The following CRYBA4 variants were observed in gnomAD, a reference collection of about 807,000 sequenced individuals.
CRYBA4 encodes crystallin beta A4.
In CRYBA4, 30 loss-of-function variants were observed where a neutral mutation model predicts 31.7. That is an observed-to-expected ratio of 0.95 (90% confidence interval 0.71 to 1.28). The LOEUF (loss-of-function observed/expected upper bound fraction) is 1.28, where lower values mean the gene tolerates loss of function less well. Among genes scored for constraint, CRYBA4 ranks in the 50% most tolerant of loss-of-function variants. The pLI, the probability that CRYBA4 is intolerant of heterozygous loss-of-function variation, is 0.00. For missense variants in CRYBA4, 225 were observed against 260.7 expected (o/e 0.86, Z 0.94); for synonymous variants, 102 against 102.3 (o/e 1.00, Z 0.02).
the CRYBA4 span, among the ~76,000 whole-genome samples, chr22:26,601,610 C>T: frequency 8.1e-6 from 1 of 122,802 alleles, no homozygotes; most frequent in Admixed American, 8.2e-5. Flanking sequence ...CTCCTTCAAC[C>T]CCAACTAGGC....
chr22:26,592,398 G>A, the CRYBA4 span, among the ~76,000 whole-genome samples: 3 of 152,368 alleles, frequency 2.0e-5, no homozygotes, highest in Admixed American at 2.0e-4. Context: ...GTGAGCACCT[G>A]TAACTGATGA....
chr22:26,616,955 G>A, the CRYBA4 span, among the ~76,000 whole-genome samples: 190 of 152,304 alleles, frequency 1.2e-3, 6 homozygotes, highest in East Asian at 0.033. Context: ...TTTATTCACC[G>A]TCCATCCCTA....
the CRYBA4 span, chr22:26,607,924 T>C: frequency 6.2e-7 from 1 of 1,614,220 alleles, no homozygotes; most frequent in East Asian, 2.2e-5. Context: ...AGCCGATCAC[T>C]GCGGTAGCTG....
the CRYBA4 span, among the ~76,000 whole-genome samples, chr22:26,597,756 G>A: frequency 6.6e-6 from 1 of 152,290 alleles, no homozygotes; most frequent in Non-Finnish European, 1.5e-5. Context: ...CCAGCTCCAG[G>A]ATTGAGTAAC....
At chr22:26,625,769 G>A (rs908981345) in intron 4 of CRYBA4, 147 bp downstream of exon 4, 8 of 764,096 alleles carry the variant, frequency 1.0e-5, no homozygotes, top group African/African-American at 3.5e-5. Flanking sequence ...TCCAAGCCTC[G>A]GTTTCTTCAT....
chr22:26,630,360 C>T lies in CRYBA4; in HGVS notation c.464C>T (p.Pro155Leu), dbSNP rs780358100. ...HSGAWVCSQF[P>L]GYRGFQYVLE... ...TCCAGCTGGGTTTGCTCCCAGTTTC[C>T]GGGCTACCGAGGATTTCAGTATGTG... Residue 155 changes from proline (P) to leucine (L), a missense_variant, in exon 6 of 6, where the codon CCG (proline) becomes CTG (leucine). Coordinates refer to ENST00000354760, the MANE Select transcript of CRYBA4 (RefSeq NM_001886.3). The T allele has an allele frequency of 6.2e-6, 10 of 1,614,100 alleles. No individual in the cohort carries two copies. The highest frequency in any genetic ancestry group is 2.7e-5 in the African/African-American group (2 of 74,956).
chr22:26,626,973 A>G (rs905583512), intron 4 of CRYBA4, among the ~76,000 whole-genome samples: 1 of 152,190 alleles, frequency 6.6e-6, no homozygotes, highest in Non-Finnish European at 1.5e-5. Flanking sequence ...AGGTGATTAA[A>G]TCTCACTTCC....
At chr22:26,620,594 T>C (rs889600474), upstream of CRYBA4, among the ~76,000 whole-genome samples, 1 of 141,988 alleles carries the variant, frequency 7.0e-6, no homozygotes, top group Admixed American at 7.6e-5. Flanking sequence ...AGACGGGGTC[T>C]TGCTCTGTCA....
the CRYBA4 span, chr22:26,607,819 C>A: frequency 6.2e-7 from 1 of 1,608,452 alleles, no homozygotes. Context: ...TTGCCCTTGT[C>A]AGATCTCAGA....
chr22:26,593,549 A>G, the CRYBA4 span, among the ~76,000 whole-genome samples: 1 of 151,960 alleles, frequency 6.6e-6, no homozygotes, highest in South Asian at 2.1e-4. Flanking sequence ...TCTTTGAGAC[A>G]GAGTCTCACT....
the CRYBA4 span, among the ~76,000 whole-genome samples, chr22:26,614,379 T>C: frequency 6.6e-6 from 1 of 152,220 alleles, no homozygotes. Flanking sequence ...TTTTGTACTC[T>C]GTCCCTTTAT....
the CRYBA4 span, among the ~76,000 whole-genome samples, chr22:26,607,084 A>T: frequency 1.5e-5 from 2 of 136,562 alleles, no homozygotes; most frequent in African/African-American, 5.6e-5. Context: ...GTGCAATGGC[A>T]TGATCTCGGC....
chr22:26,607,560 G>GAAA, the CRYBA4 span, among the ~76,000 whole-genome samples: 243 of 116,266 alleles, frequency 2.1e-3, 1 homozygote, highest in Middle Eastern at 9.3e-3. Flanking sequence ...CCATCTTTGG[G>GAAA]AAAAAAAAAA....
the CRYBA4 span, among the ~76,000 whole-genome samples, chr22:26,591,497 C>G: frequency 6.7e-6 from 1 of 148,330 alleles, no homozygotes; most frequent in African/African-American, 2.5e-5. Context: ...AATCCCAGCA[C>G]TTTGGGAGGC....
At chr22:26,622,230 C>T (rs1050821262) in intron 1 of CRYBA4, among the ~76,000 whole-genome samples, 1 of 152,112 alleles carries the variant, frequency 6.6e-6, no homozygotes, top group African/African-American at 2.4e-5. Flanking sequence ...GAGCTAGGTG[C>T]TGTCTTTGGA....
the CRYBA4 span, among the ~76,000 whole-genome samples, chr22:26,603,692 T>G: frequency 6.6e-6 from 1 of 151,850 alleles, no homozygotes; most frequent in Non-Finnish European, 1.5e-5. Context: ...GATCACAAGG[T>G]CAGGAGTTCG....
chr22:26,611,568 G>A, the CRYBA4 span, among the ~76,000 whole-genome samples: 5 of 149,832 alleles, frequency 3.3e-5, no homozygotes, highest in South Asian at 2.1e-4. Context: ...TCCGCTTCCC[G>A]GGTTCACGCC....
Position 26,627,426 on chromosome 22 carries a change from T to TC in CRYBA4, c.301-862_301-861insC, listed in dbSNP as rs1569211791. Reference sequence around the variant, plus strand: ...TTTCTTTCTTTCTTTCTTTCTTTCTTTTTCTTTCTTTCTTTCTTTCCTTCT... The same window carrying TC: ...TTTCTTTCTTTCTTTCTTTCTTTCTTCTTTCTTTCTTTCTTTCTTTCCTTCT... On this transcript the variant is annotated intron_variant, in intron 4 of 5. Transcript: ENST00000354760. Among the ~76,000 whole-genome samples the TC allele has an allele frequency of 1.7e-3, 127 of 75,346 alleles. 9 individuals carry two copies. The highest frequency in any genetic ancestry group is 0.011 in the African/African-American group (112 of 9,830). The allele number at this position is 75,346 out of a possible 152,430, so 49.4% of individuals were successfully genotyped here. A position where few individuals can be genotyped will look rare whatever the true frequency, so the allele number is the denominator to read the frequency against.
chr22:26,607,019 C>CTTTTTTTT, the CRYBA4 span, among the ~76,000 whole-genome samples: 3 of 111,962 alleles, frequency 2.7e-5, 1 homozygote, highest in African/African-American at 3.5e-5. Context: ...TATCCCTCTC[C>CTTTTTTTT]TTTTTTTTTT....
Sources: gnomAD v4.1 joint callset for allele counts (sites outside exome capture counted in the v4.1 genomes callset) on GRCh38, gnomAD v4.1.1 for gene constraint, MANE v1.5 for transcripts, NCBI Gene and HGNC (gene_info 2026-07-23, HGNC 2026-07-21) for gene names.